UCK2: variants seen among roughly 807,000 people sequenced by gnomAD.
UCK2 encodes the protein uridine-cytidine kinase 2.
UCK2 carries 6 observed loss-of-function variants against 30.8 expected under a neutral mutation model. The ratio of observed to expected loss-of-function variants is 0.19; its 90% CI spans 0.11 to 0.38. UCK2 has a LOEUF of 0.38. Ranked by LOEUF, UCK2 falls within the 10% of genes least tolerant of loss-of-function variation. The pLI is 1.00. For synonymous variants in UCK2, 125 were observed against 133.6 expected (o/e 0.94, Z 0.45); for missense variants, 210 against 339.8 (o/e 0.62, Z 3.00).
At chr1:165,829,290 C>G (rs1653981031) in intron 1 of UCK2, among the ~76,000 whole-genome samples, 1 of 152,190 alleles carries the variant, frequency 6.6e-6, no homozygotes, top group Non-Finnish European at 1.5e-5. Flanking sequence ...TGAGTATGTT[C>G]TTTACTATGA....
intron 1 of UCK2, among the ~76,000 whole-genome samples, chr1:165,848,283 T>C (rs1418316046): frequency 6.6e-6 from 1 of 152,216 alleles, no homozygotes; most frequent in Non-Finnish European, 1.5e-5. Context: ...TACTGGTTTG[T>C]ACAAGCAGTC....
At chr1:165,839,768 T>C (rs563655454) in intron 1 of UCK2, among the ~76,000 whole-genome samples, 209 of 152,282 alleles carry the variant, frequency 1.4e-3, no homozygotes, top group Non-Finnish European at 2.5e-3. Flanking sequence ...GAAAAGGAGA[T>C]GATGTCTGGT....
In UCK2 at chr1:165,887,754, G is replaced by A. The variant is rs184937022; in HGVS notation, c.100-2450G>A. ...GTTTAAAAACCTATAGTTTATAATT[G>A]CTTAGAGCCTTTGATTTCCCCCCCC... is the stretch of plus-strand genomic sequence containing the variant. On this transcript the variant is annotated intron_variant, in intron 1 of 6. Transcript: ENST00000367879. 2.8e-5 allele frequency among the ~76,000 whole-genome samples: 4 copies of A among 141,124 alleles called. No individual in the cohort carries two copies. The East Asian group carries it at 6.1e-4, about 22-fold the overall frequency. 92.6% of individuals were successfully genotyped at this position (141,124 alleles called of 152,430 possible).
intron 1 of UCK2, among the ~76,000 whole-genome samples, chr1:165,886,998 T>A (rs1655632237): frequency 2.0e-5 from 3 of 152,232 alleles, no homozygotes; most frequent in Non-Finnish European, 4.4e-5. Flanking sequence ...TTTATTTATC[T>A]CCTTCCTGAT....
chr1:165,896,347 C>T lies in UCK2; in HGVS notation c.499+15C>T. Reference sequence around the variant, plus strand: ...CTCACGCAGAGGTGCGTTCTAAAAGCCTCAGGTGGCCCTGTTGGTGGCCAC... The same window carrying T: ...CTCACGCAGAGGTGCGTTCTAAAAGTCTCAGGTGGCCCTGTTGGTGGCCAC... On this transcript the variant is annotated intron_variant, in intron 4 of 6. Coordinates refer to ENST00000367879, the MANE Select transcript of UCK2 (RefSeq NM_012474.5). 2 of 1,613,430 alleles carry T rather than the reference C, an allele frequency of 1.2e-6. No homozygotes were observed. Among genetic ancestry groups the T allele is most frequent in the Non-Finnish European group, 1.7e-6 (2 of 1,179,898 alleles).
chr1:165,907,608 C>A, intron 6 of UCK2, 76 bp from the exon 7 acceptor site: 2 of 1,542,982 alleles, frequency 1.3e-6, no homozygotes, highest in Non-Finnish European at 1.8e-6. Flanking sequence ...GCATGCCCTT[C>A]CCCCAGACAG....
chr1:165,877,949 C>T (rs373869683), intron 1 of UCK2, among the ~76,000 whole-genome samples: 18 of 152,258 alleles, frequency 1.2e-4, no homozygotes, highest in Middle Eastern at 3.4e-3. Context: ...CAGAGAGGTA[C>T]GTTGGTCACA....
intron 1 of UCK2, among the ~76,000 whole-genome samples, chr1:165,841,893 G>C (rs746357240): frequency 2.6e-5 from 4 of 152,142 alleles, no homozygotes; most frequent in Admixed American, 2.6e-4. Flanking sequence ...CCCCAGTCTC[G>C]TGCACAGGGA....
At chr1:165,883,240 A>G (rs1655543357) in intron 1 of UCK2, among the ~76,000 whole-genome samples, 1 of 152,296 alleles carries the variant, frequency 6.6e-6, no homozygotes, top group East Asian at 1.9e-4. Context: ...TCAGGTCTTC[A>G]TTTGAGTCAA....
chr1:165,897,220 T>C (rs539393546), intron 4 of UCK2, among the ~76,000 whole-genome samples: 190 of 152,074 alleles, frequency 1.2e-3, no homozygotes, highest in Middle Eastern at 0.01. Flanking sequence ...TGGTTCTCGG[T>C]GGGCAAGGGA....
At chr1:165,896,794 CT>C (rs1205692325) in intron 4 of UCK2, among the ~76,000 whole-genome samples, 1 of 152,164 alleles carries the variant, frequency 6.6e-6, no homozygotes, top group Admixed American at 6.5e-5. Context: ...TTCCAGCAGG[CT>C]TTATGGAGGC....
At chr1:165,889,500 C>T (rs372854126) in intron 1 of UCK2, among the ~76,000 whole-genome samples, 10 of 152,154 alleles carry the variant, frequency 6.6e-5, no homozygotes, top group African/African-American at 2.4e-4. Flanking sequence ...TCAGGTAGCC[C>T]TACCTTTATC....
chr1:165,910,133 A>C lies in UCK2; in HGVS notation c.*2310A>C, dbSNP rs1342065153. ...CTTGGTGGCTTGGCTGGGGACAATG[A>C]ACAGTGTCTGCTGGGGTCTGTGACA... On this transcript the variant is annotated 3_prime_UTR_variant, in exon 7 of 7. Transcript: ENST00000367879. 1 of 152,298 alleles carries C rather than the reference A, an allele frequency of 6.6e-6. No individual in the cohort carries two copies. The allele number at this position is 152,298 out of a possible 1,614,324, so 9.4% of individuals were successfully genotyped here.
intron 1 of UCK2, among the ~76,000 whole-genome samples, chr1:165,854,019 C>G (rs1185222912): frequency 3.3e-5 from 5 of 152,214 alleles, no homozygotes; most frequent in African/African-American, 9.6e-5. Flanking sequence ...GTTCTTTCAA[C>G]TAGATCTGTG....
At chr1:165,868,649 A>G (rs1335849432) in intron 1 of UCK2, among the ~76,000 whole-genome samples, 2 of 152,222 alleles carry the variant, frequency 1.3e-5, no homozygotes, top group African/African-American at 2.4e-5. Context: ...CAGCCTTCAT[A>G]GGATTGAAGA....
In UCK2 at chr1:165,902,129, G is replaced by A. The variant is rs145400036; in HGVS notation, c.500-1053G>A. 4.1e-3 allele frequency among the ~76,000 whole-genome samples: 618 copies of A among 152,130 alleles called. 5 individuals carry two copies. The highest frequency in any genetic ancestry group is 0.014 in the African/African-American group (566 of 41,484). ...CAGGTGCCTGTAGTCTCAGCTACTC[G>A]GGAGGCTGAGGCAGGAGAATCGCTT... On this transcript the variant is annotated intron_variant, in intron 4 of 6. Coordinates refer to ENST00000367879, the MANE Select transcript of UCK2 (RefSeq NM_012474.5).
rs1174278887 is a variant in UCK2, at chr1:165,911,052, C to T, written c.*3229C>T. On this transcript the variant is annotated 3_prime_UTR_variant, in exon 7 of 7. Transcript: ENST00000367879. ...TTTAGCAACCTTGACCTGCACTGGC[C>T]CTCACAGCTGTTGGAGGGAAGTAGC... is the stretch of plus-strand genomic sequence containing the variant. 5 of 152,244 alleles carry T rather than the reference C, an allele frequency of 3.3e-5. No homozygotes were observed. Among genetic ancestry groups the T allele is most frequent in the Admixed American group, 2.6e-4 (4 of 15,274 alleles). 9.4% of individuals were successfully genotyped at this position (152,244 alleles called of 1,614,324 possible). A position where few individuals can be genotyped will look rare whatever the true frequency, so the allele number is the denominator to read the frequency against.
chr1:165,885,540 T>C (rs1239501068), intron 1 of UCK2, among the ~76,000 whole-genome samples: 1 of 152,188 alleles, frequency 6.6e-6, no homozygotes, highest in Non-Finnish European at 1.5e-5. Flanking sequence ...ATTTCAGTAA[T>C]GTGTTAGAAG....
intron 1 of UCK2, among the ~76,000 whole-genome samples, chr1:165,884,810 T>C (rs1311344536): frequency 6.6e-6 from 1 of 152,208 alleles, no homozygotes; most frequent in African/African-American, 2.4e-5. Flanking sequence ...GCTGCCCTTT[T>C]GGAAACTGCC....
Sources: gnomAD v4.1 joint callset for allele counts (sites outside exome capture counted in the v4.1 genomes callset) on GRCh38, gnomAD v4.1.1 for gene constraint, MANE v1.5 for transcripts, NCBI Gene and HGNC (gene_info 2026-07-23, HGNC 2026-07-21) for gene names.